The following FOXP4 variants were observed in gnomAD, a reference collection of about 807,000 sequenced individuals.
The protein encoded by FOXP4 is forkhead box protein P4.
A neutral mutation model predicts 82.6 loss-of-function variants in FOXP4; 25 were observed. The observed-to-expected ratio is 0.30, with a 90% CI of 0.22 to 0.42. The LOEUF (loss-of-function observed/expected upper bound fraction) is 0.42, where lower values mean the gene tolerates loss of function less well. Among genes scored for constraint, FOXP4 ranks in the 10% least tolerant of loss-of-function variants. The probability of loss-of-function intolerance (pLI) is 1.00; values close to 1 mark genes in which losing one functional copy is unlikely to be tolerated. For synonymous variants in FOXP4, 415 were observed against 388.2 expected, an observed-to-expected ratio of 1.07 and a Z score of -0.81; for missense variants, 785 against 900.9, an observed-to-expected ratio of 0.87 and a Z score of 1.65.
chr6:41,599,160 A>G lies in FOXP4; in HGVS notation c.*224A>G, dbSNP rs1767071639. On this transcript the variant is annotated 3_prime_UTR_variant, in exon 17 of 17. Transcript: ENST00000307972. ...ACCCCTGGTCTTGGACCAGTAGAGG[A>G]CACGGAGGGTTCAGACCCCTCCTCA... The G allele has an allele frequency of 1.8e-6, 1 of 552,168 alleles. No homozygotes were observed. The highest frequency in any genetic ancestry group is 3.1e-6 in the Non-Finnish European group (1 of 321,824). The allele number at this position is 552,168 out of a possible 1,614,324, so 34.2% of individuals were successfully genotyped here.
intron 1 of FOXP4, among the ~76,000 whole-genome samples, chr6:41,556,589 G>C (rs1764291566): frequency 6.6e-6 from 1 of 152,196 alleles, no homozygotes; most frequent in Admixed American, 6.5e-5. Context: ...CTCCCAGAGT[G>C]CTGGGATTAC....
intron 2 of FOXP4, among the ~76,000 whole-genome samples, chr6:41,574,660 G>T (rs969597836): frequency 6.6e-6 from 1 of 152,152 alleles, no homozygotes; most frequent in African/African-American, 2.4e-5. Flanking sequence ...TGGGGCTGGG[G>T]ATCTGCCGGA....
intron 2 of FOXP4, among the ~76,000 whole-genome samples, chr6:41,575,756 C>T (rs1407687102): frequency 1.5e-5 from 2 of 137,574 alleles, no homozygotes; most frequent in African/African-American, 5.5e-5. Context: ...CCCCCAGGAG[C>T]CCCTCCCTGC....
intron 15 of FOXP4, 56 bp downstream of exon 15, chr6:41,597,298 A>C: frequency 1.7e-4 from 261 of 1,564,538 alleles, no homozygotes; most frequent in Non-Finnish European, 2.1e-4. Context: ...TTGCTTTCTC[A>C]TACAAGAGAC....
At chr6:41,598,152 C>CCCCACCTT (rs893350036) in intron 16 of FOXP4, among the ~76,000 whole-genome samples, 6 of 151,198 alleles carry the variant, frequency 4.0e-5, no homozygotes, top group African/African-American at 9.7e-5. Context: ...CTCCCCACCT[C>CCCCACCTT]CCCACCTTCC....
chr6:41,562,986 A>G (rs1161842401), intron 1 of FOXP4, among the ~76,000 whole-genome samples: 2 of 152,208 alleles, frequency 1.3e-5, no homozygotes, highest in African/African-American at 2.4e-5. Context: ...TGACATGGCC[A>G]TTAAGGCCTG....
At chr6:41,566,139 T>C (rs1183717333) in intron 2 of FOXP4, among the ~76,000 whole-genome samples, 175 bp downstream of exon 2, 1 of 152,136 alleles carries the variant, frequency 6.6e-6, no homozygotes, top group Non-Finnish European at 1.5e-5. Flanking sequence ...GGTGGCCACC[T>C]TGAGCCTAGG....
At chr6:41,555,249 T>TC (rs1021273547) in intron 1 of FOXP4, among the ~76,000 whole-genome samples, 2 of 150,986 alleles carry the variant, frequency 1.3e-5, no homozygotes, top group African/African-American at 4.9e-5. Context: ...AGACCCTGTC[T>TC]CAAAAAAAAA....
At chr6:41,568,859 T>C (rs775835247) in intron 2 of FOXP4, among the ~76,000 whole-genome samples, 13 of 152,198 alleles carry the variant, frequency 8.5e-5, no homozygotes, top group Non-Finnish European at 1.3e-4. Flanking sequence ...TACAGGACTT[T>C]AGGCTGAAAC....
rs1764391857 is a variant in FOXP4 at position 41,558,341 on chromosome 6, T to TGAA, written c.-16-7404_-16-7403insGAA. On this transcript the variant is annotated intron_variant, in intron 1 of 16. Transcript: ENST00000307972. This position sits in a 1 kb window ranked among gnomAD's most constrained non-coding sequence, Gnocchi z 4.0. ...AACCCATGGGTCTTGACTCACTTTC[T>TGAA]TCAAGTGCTGAACCAAGGGCTGGGA... 6.6e-6 allele frequency among the ~76,000 whole-genome samples: 1 copy of TGAA among 152,194 alleles called. No individual in the cohort carries two copies. The highest frequency in any genetic ancestry group is 2.4e-5 in the African/African-American group (1 of 41,452).
chr6:41,592,933 TC>T (rs1355998623), intron 13 of FOXP4, among the ~76,000 whole-genome samples: 1 of 152,092 alleles, frequency 6.6e-6, no homozygotes, highest in Non-Finnish European at 1.5e-5. Context: ...CCTCACCTAG[TC>T]TAGGGTCCAG....
chr6:41,574,618 G>T (rs1161242788), intron 2 of FOXP4, among the ~76,000 whole-genome samples: 1 of 152,198 alleles, frequency 6.6e-6, no homozygotes, highest in Non-Finnish European at 1.5e-5. Context: ...CTTTCAAGGA[G>T]GCCCCAGTCT....
chr6:41,574,239 T>G (rs1335240464), intron 2 of FOXP4, among the ~76,000 whole-genome samples: 2 of 152,144 alleles, frequency 1.3e-5, no homozygotes, highest in East Asian at 3.9e-4. Context: ...GAAGGCAGAT[T>G]TGAAGGCCTC....
rs180873327 is a variant in FOXP4 at position 41,556,127 on chromosome 6, C to A, written c.-17+9260C>A. On this transcript the variant is annotated intron_variant, in intron 1 of 16. Transcript: ENST00000307972. ...CAGAGTGACTCGGGGAGTTAGGACGCGGGGAGGAGCACTGGTTTAGGAGTC... is the reference window on the plus strand; with the variant it reads ...CAGAGTGACTCGGGGAGTTAGGACGAGGGGAGGAGCACTGGTTTAGGAGTC... Among the ~76,000 whole-genome samples the A allele has an allele frequency of 2.0e-3, 305 of 151,980 alleles. 1 individual carries two copies. Among genetic ancestry groups the A allele is most frequent in the Admixed American group, 4.6e-3 (70 of 15,260 alleles).
Position 41,577,981 on chromosome 6 carries a change from T to C in FOXP4, c.205-5T>C, listed in dbSNP as rs368473354. On this transcript the variant is annotated splice_polypyrimidine_tract_variant and splice_region_variant and intron_variant, in intron 2 of 16. Transcript: ENST00000307972. ...GCCATTGCTGACTCAGCCCCTGTCT[T>C]GCAGGCTCTCCAAGTGGCCCGGCAG... is the stretch of plus-strand genomic sequence containing the variant. 4.3e-5 allele frequency: 70 copies of C among 1,610,672 alleles called. 1 individual carries two copies. The South Asian group carries it at 5.4e-4, about 12-fold the overall frequency.
chr6:41,594,737 C>G, intron 13 of FOXP4, 133 bp from the exon 14 acceptor site: 1 of 1,383,974 alleles, frequency 7.2e-7, no homozygotes, highest in Non-Finnish European at 9.8e-7. Context: ...CCCAGCCCAC[C>G]CCCCTCCCCT....
At chr6:41,563,142 A>G (rs1211689352) in intron 1 of FOXP4, among the ~76,000 whole-genome samples, 2 of 152,184 alleles carry the variant, frequency 1.3e-5, no homozygotes, top group Admixed American at 1.3e-4. Context: ...TCACAAATAC[A>G]GGGCACCCAG....
intron 1 of FOXP4, among the ~76,000 whole-genome samples, chr6:41,549,481 C>T (rs988503677): frequency 1.3e-5 from 2 of 152,136 alleles, no homozygotes; most frequent in African/African-American, 4.8e-5. Flanking sequence ...AGGTAGGTCC[C>T]TTCTTGCCAG....
intron 5 of FOXP4, 27 bp from the exon 6 acceptor site, chr6:41,586,982 T>G: frequency 6.4e-7 from 1 of 1,554,602 alleles, no homozygotes; most frequent in Non-Finnish European, 8.7e-7. Context: ...CACCCCTCTC[T>G]GCCCGCCCCC....
Sources: allele counts gnomAD v4.1 joint callset (sites outside exome capture counted in the v4.1 genomes callset), GRCh38; gene constraint gnomAD v4.1.1; non-coding constraint Gnocchi (gnomAD v3.1); transcripts MANE v1.5; gene names NCBI Gene and HGNC (gene_info 2026-07-23, HGNC 2026-07-21).